Variants in HYAL4 observed in about 807,000 individuals in gnomAD.
HYAL4 encodes the protein hyaluronidase-4.
In HYAL4, 37 loss-of-function variants were observed where a neutral mutation model predicts 35.2. The ratio of observed to expected loss-of-function variants is 1.05; its 90% CI spans 0.81 to 1.38. The LOEUF is 1.38. Ranked by LOEUF, HYAL4 falls within the 40% of genes most tolerant of loss-of-function variation. The pLI, the probability that HYAL4 is intolerant of heterozygous loss-of-function variation, is 0.00. For synonymous variants in HYAL4, 198 were observed against 203.2 expected (o/e 0.97, Z 0.22); for missense variants, 572 against 572.4 (o/e 1.00, Z 0.01).
the HYAL4 span, among the ~76,000 whole-genome samples, chr7:123,810,016 A>G: frequency 6.6e-6 from 1 of 152,256 alleles, no homozygotes; most frequent in Admixed American, 6.5e-5. Context: ...TTATAAAATT[A>G]AATTCAAAGT....
chr7:123,771,134 G>A, the HYAL4 span, among the ~76,000 whole-genome samples: 1 of 152,212 alleles, frequency 6.6e-6, no homozygotes, highest in Non-Finnish European at 1.5e-5. Context: ...AGGCTGAAGA[G>A]AAGATCTATT....
In HYAL4 at chr7:123,877,106, T is replaced by C. The variant is rs751593381; in HGVS notation, c.1397T>C (p.Met466Thr). 1 of 1,614,206 alleles carries C rather than the reference T, an allele frequency of 6.2e-7. No homozygotes were observed. The highest frequency in any genetic ancestry group is 8.5e-7 in the Non-Finnish European group (1 of 1,180,026). The change falls in exon 5 of 5, where the codon ATG (methionine) becomes ACG (threonine). Residue 466 changes from methionine to threonine, a missense_variant. Physicochemically the swap from Met to Thr is moderately conservative, Grantham distance 81. Transcript: ENST00000223026. Reference sequence around the variant, plus strand: ...GTTTCCCCTTCTCCTGGTTCACTAATGACACTTTGTCTACTGCTTTTAGCA... The same window carrying C: ...GTTTCCCCTTCTCCTGGTTCACTAACGACACTTTGTCTACTGCTTTTAGCA... ...SGVSPSPGSL[M>T]TLCLLLLASY...
upstream of HYAL4, among the ~76,000 whole-genome samples, chr7:123,824,145 A>G (rs1805767729): frequency 6.6e-6 from 1 of 152,198 alleles, no homozygotes; most frequent in Non-Finnish European, 1.5e-5. Flanking sequence ...TTGATCAAGT[A>G]ATTGACTTTT....
chr7:123,814,204 C>T, the HYAL4 span: 1 of 152,540 alleles, frequency 6.6e-6, no homozygotes, highest in Admixed American at 6.6e-5. Flanking sequence ...CTCAGGCAGC[C>T]CTCAAACCAG....
chr7:123,781,988 C>G, the HYAL4 span, among the ~76,000 whole-genome samples: 1 of 152,038 alleles, frequency 6.6e-6, no homozygotes, highest in Non-Finnish European at 1.5e-5. Flanking sequence ...CTCACTGCAG[C>G]CTTGGACTCG....
chr7:123,814,983 TA>T, the HYAL4 span: 1 of 149,916 alleles, frequency 6.7e-6, no homozygotes, highest in African/African-American at 2.4e-5. Flanking sequence ...TGCCAGTTTT[TA>T]TTTTTTCCAG....
intron 3 of HYAL4, among the ~76,000 whole-genome samples, chr7:123,873,327 G>A (rs1384340488): frequency 6.6e-6 from 1 of 151,684 alleles, no homozygotes; most frequent in East Asian, 1.9e-4. Context: ...GAATGAAAAT[G>A]GATGTTAACC....
chr7:123,817,670 C>T, the HYAL4 span, among the ~76,000 whole-genome samples: 6,555 of 151,174 alleles, frequency 0.043, 161 homozygotes, highest in Middle Eastern at 0.082. Context: ...GCCACCACGC[C>T]GGCTAATTTT....
chr7:123,874,176 A>G (rs1402766761), intron 3 of HYAL4, among the ~76,000 whole-genome samples: 1 of 152,178 alleles, frequency 6.6e-6, no homozygotes, highest in Non-Finnish European at 1.5e-5. Context: ...TCTGATAACT[A>G]TTTACAGCCT....
At chr7:123,811,579 A>G in the HYAL4 span, among the ~76,000 whole-genome samples, 8 of 152,070 alleles carry the variant, frequency 5.3e-5, no homozygotes, top group Non-Finnish European at 1.0e-4. Context: ...TTTAGATAAC[A>G]CTTCTTTGTT....
chr7:123,766,037 C>T, the HYAL4 span, among the ~76,000 whole-genome samples: 1 of 152,076 alleles, frequency 6.6e-6, no homozygotes, highest in African/African-American at 2.4e-5. Flanking sequence ...CTCTTGCTGT[C>T]GTTCCATTAT....
At chr7:123,828,745 G>A (rs1484690047), upstream of HYAL4, among the ~76,000 whole-genome samples, 1 of 152,110 alleles carries the variant, frequency 6.6e-6, no homozygotes, top group African/African-American at 2.4e-5. Context: ...GAAATGATAC[G>A]AATTTGGTTG....
chr7:123,792,920 C>G, the HYAL4 span, among the ~76,000 whole-genome samples: 9 of 152,308 alleles, frequency 5.9e-5, no homozygotes, highest in South Asian at 1.9e-3. Context: ...ACCAGTTCAG[C>G]CTGCTCTTCC....
chr7:123,814,225 G>T, the HYAL4 span: 1 of 152,526 alleles, frequency 6.6e-6, no homozygotes, highest in Non-Finnish European at 1.5e-5. Flanking sequence ...CAATGCCTCC[G>T]GTGATCAAGA....
the HYAL4 span, among the ~76,000 whole-genome samples, chr7:123,787,712 G>A: frequency 1.1e-4 from 17 of 152,272 alleles, no homozygotes; most frequent in South Asian, 1.7e-3. Flanking sequence ...TCCTTAATGC[G>A]TCTGAATCCC....
chr7:123,795,400 T>G, the HYAL4 span, among the ~76,000 whole-genome samples: 1 of 151,862 alleles, frequency 6.6e-6, no homozygotes, highest in African/African-American at 2.4e-5. Flanking sequence ...GGGCCAGGAG[T>G]GGAATAATAT....
the HYAL4 span, among the ~76,000 whole-genome samples, chr7:123,778,317 C>T: frequency 6.9e-3 from 1,050 of 152,118 alleles, 15 homozygotes; most frequent in African/African-American, 0.024. Flanking sequence ...CATAATAAAA[C>T]GATCAATTTC....
the HYAL4 span, among the ~76,000 whole-genome samples, chr7:123,789,881 G>A: frequency 3.3e-5 from 5 of 152,116 alleles, no homozygotes; most frequent in African/African-American, 1.2e-4. Context: ...GAGCCAGAGC[G>A]AGAGTGAGAA....
At chr7:123,770,920 G>A in the HYAL4 span, among the ~76,000 whole-genome samples, 1 of 152,164 alleles carries the variant, frequency 6.6e-6, no homozygotes, top group Non-Finnish European at 1.5e-5. Context: ...CTGAGAATAA[G>A]AAGGAGGAAA....
Sources: allele counts gnomAD v4.1 joint callset (sites outside exome capture counted in the v4.1 genomes callset), GRCh38; gene constraint gnomAD v4.1.1; transcripts MANE v1.5; gene names NCBI Gene and HGNC (gene_info 2026-07-23, HGNC 2026-07-21).